Variants in AKR1C8 observed in about 807,000 individuals in gnomAD.
AKR1C8 encodes aldo-keto reductase family 1 member C-like protein 1.
At chr10:5,120,938 G>T in the AKR1C8 span, among the ~76,000 whole-genome samples, 1 of 152,052 alleles carries the variant, frequency 6.6e-6, no homozygotes, top group Non-Finnish European at 1.5e-5. Context: ...ATATTTCCAA[G>T]CCATGCTAAT....
the AKR1C8 span, among the ~76,000 whole-genome samples, chr10:5,146,307 C>T: frequency 6.6e-6 from 1 of 151,598 alleles, no homozygotes; most frequent in Non-Finnish European, 1.5e-5. Context: ...TGTAACTAAC[C>T]TGCACAATGT....
chr10:5,138,596 T>A, the AKR1C8 span, among the ~76,000 whole-genome samples: 1 of 152,144 alleles, frequency 6.6e-6, no homozygotes, highest in Non-Finnish European at 1.5e-5. Flanking sequence ...CCTCAGCTTA[T>A]GAAGATAACA....
the AKR1C8 span, among the ~76,000 whole-genome samples, chr10:5,145,028 A>G: frequency 1.8e-4 from 28 of 151,810 alleles, no homozygotes; most frequent in African/African-American, 5.8e-4. Flanking sequence ...AGCTCTTATT[A>G]TTTTGAAATA....
At chr10:5,163,643 G>T in the AKR1C8 span, among the ~76,000 whole-genome samples, 1 of 152,146 alleles carries the variant, frequency 6.6e-6, no homozygotes, top group South Asian at 2.1e-4. Context: ...GTAAGTTAGG[G>T]TGGGTTCTTG....
chr10:5,137,183 C>A, the AKR1C8 span, among the ~76,000 whole-genome samples: 1 of 152,100 alleles, frequency 6.6e-6, no homozygotes, highest in East Asian at 1.9e-4. Flanking sequence ...CACTGGGAGT[C>A]CATTCCAAGA....
the AKR1C8 span, chr10:5,154,124 G>C: frequency 2.1e-6 from 1 of 468,958 alleles, no homozygotes; most frequent in Admixed American, 2.3e-5. Flanking sequence ...TGGTGGTAAT[G>C]TTCAATAGCT....
the AKR1C8 span, among the ~76,000 whole-genome samples, chr10:5,137,576 A>T: frequency 1.3e-5 from 2 of 152,090 alleles, no homozygotes; most frequent in African/African-American, 4.8e-5. Context: ...CTCTCAATAA[A>T]CTAGGTAATA....
chr10:5,140,117 G>A, the AKR1C8 span, among the ~76,000 whole-genome samples: 2 of 152,158 alleles, frequency 1.3e-5, no homozygotes, highest in Non-Finnish European at 2.9e-5. Flanking sequence ...ACACCAGTTA[G>A]AATGATGATC....
At chr10:5,145,062 T>G in the AKR1C8 span, among the ~76,000 whole-genome samples, 1 of 151,990 alleles carries the variant, frequency 6.6e-6, no homozygotes, top group Admixed American at 6.6e-5. Context: ...CCTAATTTAT[T>G]GAGAGTTTTT....
At chr10:5,125,535 C>G in the AKR1C8 span, among the ~76,000 whole-genome samples, 4 of 152,078 alleles carry the variant, frequency 2.6e-5, no homozygotes, top group African/African-American at 7.2e-5. Flanking sequence ...GGAAACCAAC[C>G]AACACAGTTC....
At chr10:5,163,868 G>C in the AKR1C8 span, among the ~76,000 whole-genome samples, 1 of 151,698 alleles carries the variant, frequency 6.6e-6, no homozygotes, top group African/African-American at 2.4e-5. Flanking sequence ...AAACGCCTTT[G>C]TCCTTTAAGC....
the AKR1C8 span, among the ~76,000 whole-genome samples, chr10:5,168,192 C>A: frequency 6.6e-6 from 1 of 152,056 alleles, no homozygotes; most frequent in African/African-American, 2.4e-5. Flanking sequence ...GTGCAAGCTT[C>A]TTTGCCCTGA....
the AKR1C8 span, chr10:5,161,036 T>G: frequency 2.6e-6 from 1 of 389,736 alleles, no homozygotes; most frequent in Non-Finnish European, 5.0e-6. Flanking sequence ...TACATTTGCA[T>G]GCACGTGTGC....
chr10:5,166,177 C>T, the AKR1C8 span, among the ~76,000 whole-genome samples: 2 of 151,988 alleles, frequency 1.3e-5, no homozygotes, highest in Admixed American at 6.6e-5. Context: ...TTCCTTTGAC[C>T]CCGAGACTCT....
At chr10:5,123,723 C>T in the AKR1C8 span, 6 of 1,611,514 alleles carry the variant, frequency 3.7e-6, no homozygotes, top group South Asian at 3.3e-5. Context: ...TAGTTCATGT[C>T]GTTGGGTTCC....
At chr10:5,167,073 C>A in the AKR1C8 span, among the ~76,000 whole-genome samples, 97 of 152,146 alleles carry the variant, frequency 6.4e-4, 1 homozygote, top group African/African-American at 1.9e-3. Flanking sequence ...ACAAATCAAA[C>A]CCACAATGAG....
chr10:5,158,660 T>A, the AKR1C8 span: 3 of 491,146 alleles, frequency 6.1e-6, no homozygotes, highest in Non-Finnish European at 1.3e-5. Context: ...GTCCTTGGAC[T>A]TGCAGAACTC....
chr10:5,184,984 A>G, the AKR1C8 span: 2 of 534,008 alleles, frequency 3.7e-6, no homozygotes, highest in Non-Finnish European at 7.7e-6. Context: ...CTGACCTAAG[A>G]AACTTCAGCC....
the AKR1C8 span, among the ~76,000 whole-genome samples, chr10:5,157,353 T>C: frequency 1.4e-5 from 2 of 139,506 alleles, no homozygotes; most frequent in South Asian, 4.3e-4. Context: ...GTCCTTAAAG[T>C]TCATTACCAT....
Sources: gnomAD v4.1 joint callset for allele counts (sites outside exome capture counted in the v4.1 genomes callset) on GRCh38, gnomAD v4.1.1 for gene constraint, MANE v1.5 for transcripts, NCBI Gene and HGNC (gene_info 2026-07-23, HGNC 2026-07-21) for gene names.